Variants in DOC2A observed in about 807,000 individuals in gnomAD.
The protein encoded by DOC2A is double C2 domain alpha.
In DOC2A, 28 loss-of-function variants were observed where a neutral mutation model predicts 40.6. That is an observed-to-expected ratio of 0.69 (90% CI 0.51 to 0.95). The LOEUF is 0.95. DOC2A is among the 40% of genes least tolerant of loss of function. The probability of loss-of-function intolerance (pLI) is 0.00; values close to 1 mark genes in which losing one functional copy is unlikely to be tolerated. For synonymous variants in DOC2A, 241 were observed against 236.9 expected (o/e 1.02, Z -0.16); for missense variants, 474 against 552.5 (o/e 0.86, Z 1.42).
In DOC2A at chr16:30,006,124, T is replaced by A; in HGVS notation, c.*62A>T. ...CACCCTGTGTAAACGTGCAACACAC[T>A]CGTGCGAAGGTTGGGTACTGGACCC... On this transcript the variant is annotated 3_prime_UTR_variant, in exon 11 of 11. Coordinates refer to ENST00000350119, the MANE Select transcript of DOC2A (RefSeq NM_003586.3). This position sits in a 1 kb window ranked among gnomAD's most constrained non-coding sequence, Gnocchi z 6.2. 6.6e-7 allele frequency: 1 copy of A among 1,520,672 alleles called. No homozygotes were observed. Among genetic ancestry groups the A allele is most frequent in the Non-Finnish European group, 8.9e-7 (1 of 1,128,716 alleles). 94.2% of individuals were successfully genotyped at this position (1,520,672 alleles called of 1,614,324 possible).
At position 30,009,159 on chromosome 16, in the gene DOC2A, G is replaced by A; in HGVS notation, c.417+43C>T. On this transcript the variant is annotated intron_variant, in intron 4 of 10. Transcript: ENST00000350119. The surrounding 1 kb of genome is among the most constrained non-coding windows in gnomAD (Gnocchi z 4.1). ...TACCTGTCCTCCAGCCCCACAGGCT[G>A]GAGTCATGGGCTGGGCCGGGCGGGG... 6.2e-7 allele frequency: 1 copy of A among 1,611,224 alleles called. No individual in the cohort carries two copies. Among genetic ancestry groups the A allele is most frequent in the Non-Finnish European group, 8.5e-7 (1 of 1,177,584 alleles).
rs1455461634 is a variant in DOC2A at position 30,006,925 on chromosome 16, C to G, written c.738G>C (p.Gln246His). 3 of 1,613,302 alleles carry G rather than the reference C, an allele frequency of 1.9e-6. No homozygotes were observed. The highest frequency in any genetic ancestry group is 2.5e-6 in the Non-Finnish European group (3 of 1,179,614). Residue 246 changes from glutamine (Q) to histidine (H), a missense_variant, in exon 8 of 11, where the codon CAG (glutamine) becomes CAC (histidine). By Grantham distance (24) the Gln-to-His change is conservative. Transcript: ENST00000350119. This position sits in a 1 kb window ranked among gnomAD's most constrained non-coding sequence, Gnocchi z 6.2. Reference protein sequence around the residue: ...LKELEQAEQGQGLLEERGRIL... With the variant: ...LKELEQAEQGHGLLEERGRIL... ...TGCGGCCACGCTCCTCCAGCAGCCC[C>G]TGCCCCTGCTCCGCCTGCTCCAACT... is the stretch of plus-strand genomic sequence containing the variant.
chr16:30,022,246 C>CAAA (rs60987861), upstream of DOC2A, among the ~76,000 whole-genome samples: 19 of 34,290 alleles, frequency 5.5e-4, 1 homozygote, highest in African/African-American at 1.5e-3. Context: ...AACTCCATCT[C>CAAA]AAAAAAAAAA....
chr16:30,008,881 T>C (rs1272980606), intron 5 of DOC2A, 115 bp downstream of exon 5: 2 of 768,900 alleles, frequency 2.6e-6, no homozygotes, highest in African/African-American at 3.4e-5. Context: ...GAGCCGCTGA[T>C]GGTTCTTGAG....
upstream of DOC2A, among the ~76,000 whole-genome samples, chr16:30,014,179 T>TTTA (rs2070831775): frequency 7.6e-6 from 1 of 131,812 alleles, no homozygotes; most frequent in Non-Finnish European, 1.6e-5. Flanking sequence ...CATCTTTTTT[T>TTTA]TTTTTTTTAA....
At chr16:30,018,567 C>G (rs148663553) in intron 1 of DOC2A, 23 of 152,246 alleles carry the variant, frequency 1.5e-4, no homozygotes, top group African/African-American at 5.3e-4. Flanking sequence ...AGCAGACCAT[C>G]TAGAGGAATG....
chr16:30,017,013 T>C (rs2070861509), upstream of DOC2A, among the ~76,000 whole-genome samples: 1 of 152,252 alleles, frequency 6.6e-6, no homozygotes, highest in South Asian at 2.1e-4. Flanking sequence ...GGGGCAAGTG[T>C]ATTCTAGGCA....
In DOC2A at chr16:30,009,635, T is replaced by G; in HGVS notation, c.263-78A>C. 6 of 1,283,570 alleles carry G rather than the reference T, an allele frequency of 4.7e-6. No homozygotes were observed. Among genetic ancestry groups the G allele is most frequent in the East Asian group, 2.5e-5 (1 of 39,664 alleles). The allele number at this position is 1,283,570 out of a possible 1,614,324, so 79.5% of individuals were successfully genotyped here. ...GAGGCCAGCAGGTGGGCACTGGCTC[T>G]GTGTGTCTCTCTCTCTTGCCAGCCC... On this transcript the variant is annotated intron_variant, in intron 2 of 10. Coordinates refer to ENST00000350119, the MANE Select transcript of DOC2A (RefSeq NM_003586.3). This position sits in a 1 kb window ranked among gnomAD's most constrained non-coding sequence, Gnocchi z 4.1.
upstream of DOC2A, among the ~76,000 whole-genome samples, chr16:30,015,598 T>A (rs979470351): frequency 6.6e-6 from 1 of 152,074 alleles, no homozygotes; most frequent in African/African-American, 2.4e-5. Flanking sequence ...ATTACAGGCA[T>A]GAGCCACTGT....
rs1196534140 is a variant in DOC2A at position 30,010,193 on chromosome 16, G to C, written c.30C>G (p.Thr10=). 1 of 1,614,028 alleles carries C rather than the reference G, an allele frequency of 6.2e-7. No homozygotes were observed. The highest frequency in any genetic ancestry group is 1.3e-5 in the African/African-American group (1 of 75,058). The change falls in exon 2 of 11, where the codon ACC becomes ACG. Residue 10 remains threonine, a synonymous_variant. Coordinates refer to ENST00000350119, the MANE Select transcript of DOC2A (RefSeq NM_003586.3). This position sits in a 1 kb window ranked among gnomAD's most constrained non-coding sequence, Gnocchi z 4.2. ...TGGCCATGTGCTCCTGGATGTTGAT[G>C]GTCATGCGATCGCCCCTGCGGCCCC... MRGRRGDRM[T]INIQEHMAIN...
At chr16:30,020,216 G>T (rs1190244608) in intron 1 of DOC2A, among the ~76,000 whole-genome samples, 1 of 150,738 alleles carries the variant, frequency 6.6e-6, no homozygotes, top group East Asian at 2.0e-4. Flanking sequence ...GCCTTTTTTT[G>T]GATTTTTAGT....
At chr16:30,021,566 G>A (rs1205484122), upstream of DOC2A, 2 of 152,196 alleles carry the variant, frequency 1.3e-5, no homozygotes, top group African/African-American at 4.8e-5. Flanking sequence ...AGGGCCGAGG[G>A]ACTTCCTCTG....
upstream of DOC2A, chr16:30,021,451 G>A: frequency 6.6e-6 from 1 of 152,502 alleles, no homozygotes; most frequent in Non-Finnish European, 1.5e-5. Context: ...AGAGATGGGA[G>A]ATGGGGTGGC....
At position 30,009,151 on chromosome 16, in the gene DOC2A, C is replaced by T. The variant is rs1276528908; in HGVS notation, c.418-46G>A. 5 of 1,589,802 alleles carry T rather than the reference C, an allele frequency of 3.1e-6. No homozygotes were observed. The highest frequency in any genetic ancestry group is 2.7e-5 in the African/African-American group (2 of 74,388). ...GTTCTCAATACCTGTCCTCCAGCCCCACAGGCTGGAGTCATGGGCTGGGCC... is the reference window on the plus strand; with the variant it reads ...GTTCTCAATACCTGTCCTCCAGCCCTACAGGCTGGAGTCATGGGCTGGGCC... On this transcript the variant is annotated intron_variant, in intron 4 of 10. Coordinates refer to ENST00000350119, the MANE Select transcript of DOC2A (RefSeq NM_003586.3). This position sits in a 1 kb window ranked among gnomAD's most constrained non-coding sequence, Gnocchi z 4.1.
rs1237675290 is a variant in DOC2A, at chr16:30,006,529, C to T, written c.961-20G>A. The T allele has an allele frequency of 6.2e-7, 1 of 1,613,716 alleles. No individual in the cohort carries two copies. Among genetic ancestry groups the T allele is most frequent in the Non-Finnish European group, 8.5e-7 (1 of 1,179,762 alleles). The stretch of plus-strand genomic sequence containing the variant: ...AAACTCCTAGGGACAAGGCCGGCCA[C>T]CCGTTCGTGAGCCAGCTCCCCAGCC... On this transcript the variant is annotated intron_variant, in intron 9 of 10. Coordinates refer to ENST00000350119, the MANE Select transcript of DOC2A (RefSeq NM_003586.3). The surrounding 1 kb of genome is among the most constrained non-coding windows in gnomAD (Gnocchi z 6.2).
At position 30,006,190 on chromosome 16, in the gene DOC2A, G is replaced by T; in HGVS notation, c.1199C>A (p.Ala400Asp). 1 of 1,582,576 alleles carries T rather than the reference G, an allele frequency of 6.3e-7. No individual in the cohort carries two copies. The change falls in exon 11 of 11, where the codon GCC becomes GAC. Residue 400 changes from alanine (A) to aspartate (D), a missense_variant. Coordinates refer to ENST00000350119, the MANE Select transcript of DOC2A (RefSeq NM_003586.3). The surrounding 1 kb of genome is among the most constrained non-coding windows in gnomAD (Gnocchi z 6.2). ...TGCCGGGACACTGCTGTCCACTCAG[G>T]CTGAGGACAGAGCCCCGGCCGCAGG... The part of the protein sequence containing the change: ...LPPAAGALSS[A>D]
chr16:30,008,958 C>G, intron 5 of DOC2A, 38 bp downstream of exon 5: 1 of 1,399,284 alleles, frequency 7.1e-7, no homozygotes, highest in Non-Finnish European at 1.0e-6. Flanking sequence ...TCAGCTGTCC[C>G]CGAGCTGCTG....
chr16:30,020,527 C>T (rs370310191), intron 1 of DOC2A, among the ~76,000 whole-genome samples: 3 of 151,244 alleles, frequency 2.0e-5, no homozygotes, highest in African/African-American at 7.3e-5. Flanking sequence ...GGCAACATAG[C>T]AAGACTCCAT....
chr16:30,016,041 ATATATATATATATATTTTTT>A (rs1244655412), upstream of DOC2A, among the ~76,000 whole-genome samples: 3,272 of 38,964 alleles, frequency 0.084, 54 homozygotes, highest in Non-Finnish European at 0.1. Flanking sequence ...ATATATATAT[ATATATATATATATATTTTTT>A]TTTTTTTTTT....
Sources: allele counts gnomAD v4.1 joint callset (sites outside exome capture counted in the v4.1 genomes callset), GRCh38; gene constraint gnomAD v4.1.1; non-coding constraint Gnocchi (gnomAD v3.1); transcripts MANE v1.5; gene names NCBI Gene and HGNC (gene_info 2026-07-23, HGNC 2026-07-21).